The following CDKN2B-AS1 variants were observed in gnomAD, a reference collection of about 807,000 sequenced individuals.
CDKN2B-AS1 encodes CDKN2B antisense RNA 1 (non-protein coding).
At chr9:22,102,623 C>G (rs1825523530) in intron 4 of CDKN2B-AS1, among the ~76,000 whole-genome samples, 1 of 152,136 alleles carries the variant, frequency 6.6e-6, no homozygotes, top group Non-Finnish European at 1.5e-5. Flanking sequence ...TGGCCTTCTA[C>G]TCTGCTCCTT....
chr9:22,011,363 C>A (rs1351386979), intron 1 of CDKN2B-AS1, among the ~76,000 whole-genome samples: 1 of 152,138 alleles, frequency 6.6e-6, no homozygotes, highest in African/African-American at 2.4e-5. Context: ...AGAAATCAAA[C>A]TTATTGTGTA....
intron 4 of CDKN2B-AS1, among the ~76,000 whole-genome samples, chr9:22,067,669 A>C (rs1220704016): frequency 1.3e-5 from 2 of 152,228 alleles, no homozygotes; most frequent in East Asian, 3.8e-4. Flanking sequence ...TGGTTAGCAC[A>C]GAGCTGGCCA....
chr9:22,009,539 CA>C (rs1310912372), intron 1 of CDKN2B-AS1, among the ~76,000 whole-genome samples: 7 of 152,252 alleles, frequency 4.6e-5, no homozygotes, highest in African/African-American at 1.7e-4. Flanking sequence ...CCAGTAAAGC[CA>C]AGGCTAATAT....
intron 4 of CDKN2B-AS1, among the ~76,000 whole-genome samples, chr9:22,064,501 G>A (rs1244249749): frequency 5.3e-5 from 8 of 152,208 alleles, no homozygotes; most frequent in South Asian, 2.1e-4. Context: ...GGTTAAGAAC[G>A]AGGGGAGGCA....
At chr9:22,025,403 A>G (rs1187066754) in intron 1 of CDKN2B-AS1, among the ~76,000 whole-genome samples, 1 of 152,048 alleles carries the variant, frequency 6.6e-6, no homozygotes, top group Admixed American at 6.5e-5. Flanking sequence ...TCCATTGCAG[A>G]GGTAGTGGCA....
chr9:22,073,987 C>T (rs1289051523), intron 4 of CDKN2B-AS1, among the ~76,000 whole-genome samples: 2 of 151,920 alleles, frequency 1.3e-5, no homozygotes, highest in African/African-American at 4.8e-5. Context: ...CCTCAGCCTC[C>T]CTAGTAGTTT....
At chr9:22,127,348 G>C (rs1008646047) in exon 5 of CDKN2B-AS1, among the ~76,000 whole-genome samples, 2 of 152,148 alleles carry the variant, frequency 1.3e-5, no homozygotes, top group African/African-American at 4.8e-5. Flanking sequence ...CCAAAGTGCT[G>C]GTATTACAGG....
At chr9:22,045,145 A>T (rs1823057381) in intron 1 of CDKN2B-AS1, among the ~76,000 whole-genome samples, 1 of 151,736 alleles carries the variant, frequency 6.6e-6, no homozygotes, top group African/African-American at 2.4e-5. Context: ...TAGGATTAAG[A>T]GGATAAAGGA....
intron 4 of CDKN2B-AS1, among the ~76,000 whole-genome samples, chr9:22,060,962 T>A (rs1823792902): frequency 6.6e-6 from 1 of 152,166 alleles, no homozygotes; most frequent in Non-Finnish European, 1.5e-5. Context: ...GTGGGAATTC[T>A]GGGAGATACA....
chr9:22,013,026 C>T (rs182977906), intron 1 of CDKN2B-AS1, among the ~76,000 whole-genome samples: 47 of 152,296 alleles, frequency 3.1e-4, no homozygotes, highest in Admixed American at 2.4e-3. Flanking sequence ...TTTAACTTCT[C>T]CTGAGGCTTC....
chr9:22,082,951 T>C (rs1445097188), intron 4 of CDKN2B-AS1, among the ~76,000 whole-genome samples: 1 of 152,124 alleles, frequency 6.6e-6, no homozygotes, highest in Non-Finnish European at 1.5e-5. Flanking sequence ...AGAAAGCCAA[T>C]TGGAATCAAG....
intron 4 of CDKN2B-AS1, among the ~76,000 whole-genome samples, chr9:22,102,868 C>T (rs1825530927): frequency 6.6e-6 from 1 of 152,106 alleles, no homozygotes; most frequent in African/African-American, 2.4e-5. Context: ...CCTGCTTTAT[C>T]AGCATTAGAA....
intron 4 of CDKN2B-AS1, among the ~76,000 whole-genome samples, chr9:22,106,220 G>A (rs1201853943): frequency 6.6e-6 from 1 of 152,020 alleles, no homozygotes; most frequent in Non-Finnish European, 1.5e-5. Context: ...GTAGCTGGGA[G>A]TACAGGCACA....
At chr9:22,088,336 T>C (rs1343568126) in intron 4 of CDKN2B-AS1, among the ~76,000 whole-genome samples, 2 of 152,198 alleles carry the variant, frequency 1.3e-5, no homozygotes, top group Non-Finnish European at 2.9e-5. Context: ...TCCATGTCAG[T>C]GGTATTTACC....
chr9:22,087,302 A>G (rs1264192342), intron 4 of CDKN2B-AS1, among the ~76,000 whole-genome samples: 2 of 152,242 alleles, frequency 1.3e-5, no homozygotes, highest in Non-Finnish European at 2.9e-5. Flanking sequence ...TATGGAAGCC[A>G]TCTTCAGACC....
chr9:22,035,803 A>G (rs529437673), intron 1 of CDKN2B-AS1, among the ~76,000 whole-genome samples: 28 of 152,268 alleles, frequency 1.8e-4, no homozygotes, highest in African/African-American at 6.5e-4. Context: ...TTTTATCATT[A>G]TAGATTTTTC....
intron 1 of CDKN2B-AS1, among the ~76,000 whole-genome samples, chr9:22,007,982 C>G (rs575668635): frequency 6.6e-6 from 1 of 152,038 alleles, no homozygotes; most frequent in Non-Finnish European, 1.5e-5. Flanking sequence ...GAGGTGAGTA[C>G]TGAATATGAC....
At chr9:22,010,522 A>G (rs1396953308) in intron 1 of CDKN2B-AS1, among the ~76,000 whole-genome samples, 2 of 152,102 alleles carry the variant, frequency 1.3e-5, no homozygotes, top group East Asian at 3.9e-4. Context: ...TGTTTTTTTT[A>G]GGATACCTTA....
chr9:22,024,638 G>A (rs976638825), intron 1 of CDKN2B-AS1, among the ~76,000 whole-genome samples: 1 of 152,188 alleles, frequency 6.6e-6, no homozygotes, highest in Non-Finnish European at 1.5e-5. Context: ...GTGCTGCTAA[G>A]GTTCTGTCTG....
Sources: allele counts gnomAD v4.1 joint callset (sites outside exome capture counted in the v4.1 genomes callset), GRCh38; gene constraint gnomAD v4.1.1; transcripts MANE v1.5; gene names NCBI Gene and HGNC (gene_info 2026-07-23, HGNC 2026-07-21).